The following OSBP2 variants were observed in gnomAD, a reference collection of about 807,000 sequenced individuals.
OSBP2 encodes oxysterol binding protein 2, also known as oxysterol-binding protein 2.
Under a neutral mutation model 96.0 loss-of-function variants are expected in OSBP2, and 66 were observed. The ratio of observed to expected loss-of-function variants is 0.69; its 90% CI spans 0.56 to 0.84. The LOEUF is 0.84. Ranked by LOEUF, OSBP2 falls within the 40% of genes least tolerant of loss-of-function variation. The pLI, the probability that OSBP2 is intolerant of heterozygous loss-of-function variation, is 0.00. For missense variants in OSBP2, 1,038 were observed against 1,222.7 expected (o/e 0.85, Z 2.25); for synonymous variants, 525 against 520.9 (o/e 1.01, Z -0.11).
intron 2 of OSBP2, among the ~76,000 whole-genome samples, chr22:30,851,418 A>T (rs2038976092): frequency 6.6e-6 from 1 of 152,150 alleles, no homozygotes; most frequent in African/African-American, 2.4e-5. Flanking sequence ...CAGAAAAATG[A>T]TTGTTATATA....
intron 1 of OSBP2, among the ~76,000 whole-genome samples, chr22:30,696,144 G>C (rs903058919): frequency 6.6e-6 from 1 of 152,196 alleles, no homozygotes; most frequent in Non-Finnish European, 1.5e-5. Context: ...GAGCTAGGAA[G>C]TGTTTTGCTG....
intron 1 of OSBP2, among the ~76,000 whole-genome samples, chr22:30,721,478 G>A (rs1169701935): frequency 1.3e-5 from 2 of 152,184 alleles, no homozygotes; most frequent in East Asian, 3.9e-4. Context: ...GCAGAGCAGG[G>A]GTGAAGGTGG....
At chr22:30,804,609 A>G (rs2090901118) in intron 2 of OSBP2, among the ~76,000 whole-genome samples, 1 of 152,248 alleles carries the variant, frequency 6.6e-6, no homozygotes. Flanking sequence ...GTACCCAGGT[A>G]CCATTTGTTT....
chr22:30,693,930 A>T, upstream of OSBP2: 1 of 802,824 alleles, frequency 1.2e-6, no homozygotes, highest in Non-Finnish European at 2.0e-6. Context: ...ACGCCACTGC[A>T]TTCCAGCCTG....
chr22:30,806,810 G>A (rs1359615327), intron 2 of OSBP2, among the ~76,000 whole-genome samples: 2 of 152,148 alleles, frequency 1.3e-5, no homozygotes, highest in Non-Finnish European at 2.9e-5. Flanking sequence ...CCACCTAGCA[G>A]CTCCATCTGG....
intron 8 of OSBP2, among the ~76,000 whole-genome samples, chr22:30,891,281 G>A (rs1050667199): frequency 1.3e-5 from 2 of 152,200 alleles, no homozygotes; most frequent in Admixed American, 6.5e-5. Context: ...AGGGGCATCT[G>A]TGGGCACTGC....
chr22:30,762,692 A>G (rs1407397517), intron 2 of OSBP2, among the ~76,000 whole-genome samples: 1 of 152,172 alleles, frequency 6.6e-6, no homozygotes, highest in Admixed American at 6.5e-5. Context: ...TCTGTTCCCT[A>G]GTATCCAGCC....
intron 1 of OSBP2, among the ~76,000 whole-genome samples, chr22:30,716,040 CTTTCTT>C (rs2089449081): frequency 1.4e-5 from 1 of 72,900 alleles, no homozygotes; most frequent in African/African-American, 5.7e-5. Context: ...TTCTTTCTTT[CTTTCTT>C]TTTTTTTTTT....
intron 2 of OSBP2, among the ~76,000 whole-genome samples, chr22:30,743,255 C>T (rs919722806): frequency 4.6e-5 from 7 of 152,180 alleles, no homozygotes; most frequent in Non-Finnish European, 7.3e-5. Context: ...ATGCCCCATC[C>T]CTGTCTCCCA....
chr22:30,904,192 G>A (rs2040279403), intron 12 of OSBP2, among the ~76,000 whole-genome samples: 2 of 152,224 alleles, frequency 1.3e-5, no homozygotes, highest in Admixed American at 1.3e-4. Flanking sequence ...GGGGCGCCCA[G>A]TGTAGTGTGC....
intron 1 of OSBP2, among the ~76,000 whole-genome samples, chr22:30,714,720 G>A (rs2089419129): frequency 6.6e-6 from 1 of 152,038 alleles, no homozygotes; most frequent in Admixed American, 6.6e-5. Flanking sequence ...GGGTTCAAGC[G>A]ATTCTCCTGC....
chr22:30,866,883 G>A lies in OSBP2; in HGVS notation c.854-3546G>A, dbSNP rs373480222. On this transcript the variant is annotated intron_variant, in intron 2 of 13. Transcript: ENST00000332585. ...TTCTGAACTGAGACTTCTGGACTCA[G>A]TGTGGCCAGAGTTTACTCATGTGGA... Among the ~76,000 whole-genome samples the A allele has an allele frequency of 5.6e-4, 86 of 152,240 alleles. 1 individual carries two copies. The highest frequency in any genetic ancestry group is 2.0e-3 in the African/African-American group (84 of 41,464).
chr22:30,702,210 C>T (rs1249954852), intron 1 of OSBP2, among the ~76,000 whole-genome samples: 5 of 152,326 alleles, frequency 3.3e-5, no homozygotes, highest in African/African-American at 1.2e-4. Context: ...CTGCCTTCTG[C>T]TTACCTGGTG....
intron 2 of OSBP2, among the ~76,000 whole-genome samples, chr22:30,750,177 T>A (rs1330477137): frequency 1.3e-5 from 2 of 152,206 alleles, no homozygotes; most frequent in Non-Finnish European, 2.9e-5. Flanking sequence ...CAGGGGCAGA[T>A]CTGATGCTGG....
At chr22:30,892,148 G>A (rs9609144) in intron 8 of OSBP2, among the ~76,000 whole-genome samples, 16,290 of 152,108 alleles carry the variant, frequency 0.11, 1,122 homozygotes, top group South Asian at 0.21. Context: ...TGCTGGATGC[G>A]ATTTGAAGGA....
At chr22:30,866,031 C>A (rs560319029) in intron 2 of OSBP2, among the ~76,000 whole-genome samples, 1 of 152,164 alleles carries the variant, frequency 6.6e-6, no homozygotes, top group Non-Finnish European at 1.5e-5. Flanking sequence ...TAAATCAGAC[C>A]GTAATGATCA....
rs777471309 is a variant in OSBP2, at chr22:30,887,407, G to A, written c.1108-19G>A. On this transcript the variant is annotated intron_variant, in intron 3 of 13. Transcript: ENST00000332585. ...CTGCCAGAGGCCAGGGTCTCATACCGCCACTCCTCCCTCCCCAGGCCTGCA... is the reference window on the plus strand; with the variant it reads ...CTGCCAGAGGCCAGGGTCTCATACCACCACTCCTCCCTCCCCAGGCCTGCA... 19 of 1,604,680 alleles carry A rather than the reference G, an allele frequency of 1.2e-5. No homozygotes were observed. Among genetic ancestry groups the A allele is most frequent in the Admixed American group, 1.0e-4 (6 of 59,814 alleles).
At chr22:30,785,750 C>A (rs1432613048) in intron 2 of OSBP2, among the ~76,000 whole-genome samples, 1 of 152,036 alleles carries the variant, frequency 6.6e-6, no homozygotes, top group Admixed American at 6.6e-5. Flanking sequence ...GGGCAGATTT[C>A]CCCCCTGCTG....
In OSBP2 at chr22:30,889,268, G is replaced by A. The variant is rs201434062; in HGVS notation, c.1476+34G>A. On this transcript the variant is annotated intron_variant, in intron 6 of 13. Coordinates refer to ENST00000332585, the MANE Select transcript of OSBP2 (RefSeq NM_030758.4). ...GGGGGAGCACTGTAAGGGCCAGAAG[G>A]CAGCTTCTGGCCTAGGGGGTGGGAG... is the stretch of plus-strand genomic sequence containing the variant. 9.3e-5 allele frequency: 148 copies of A among 1,588,394 alleles called. 1 individual carries two copies. In the East Asian group the frequency reaches 2.8e-3, roughly 30 times the overall value.
Sources: gnomAD v4.1 joint callset for allele counts (sites outside exome capture counted in the v4.1 genomes callset) on GRCh38, gnomAD v4.1.1 for gene constraint, MANE v1.5 for transcripts, NCBI Gene and HGNC (gene_info 2026-07-23, HGNC 2026-07-21) for gene names.